The following ELMOD3 variants were observed in gnomAD, a reference collection of about 807,000 sequenced individuals.
The protein encoded by ELMOD3 is ELMO domain containing 3.
ELMOD3 carries 36 observed loss-of-function variants against 47.4 expected under a neutral mutation model. The ratio of observed to expected loss-of-function variants is 0.76; its 90% CI spans 0.58 to 1.00. The LOEUF (loss-of-function observed/expected upper bound fraction) is 1.00, where lower values mean the gene tolerates loss of function less well. Among genes scored for constraint, ELMOD3 ranks in the 50% least tolerant of loss-of-function variants. The pLI, the probability that ELMOD3 is intolerant of heterozygous loss-of-function variation, is 0.00. For missense variants in ELMOD3, 404 were observed against 463.8 expected (o/e 0.87, Z 1.18); for synonymous variants, 149 against 183.5 (o/e 0.81, Z 1.52).
At chr2:85,368,862 C>A in intron 7 of ELMOD3, 108 bp downstream of exon 7, 1 of 1,108,562 alleles carries the variant, frequency 9.0e-7, no homozygotes, top group East Asian at 2.5e-5. Context: ...GATAGAATTC[C>A]TGAGAGTGCT....
At chr2:85,389,450 G>A (rs570579353) in intron 11 of ELMOD3, 19 of 422,264 alleles carry the variant, frequency 4.5e-5, no homozygotes, top group African/African-American at 3.2e-4. Context: ...GAGAGCTGAC[G>A]GGTCAGGATG....
At chr2:85,359,013 G>T (rs1683756053) in intron 4 of ELMOD3, among the ~76,000 whole-genome samples, 1 of 152,124 alleles carries the variant, frequency 6.6e-6, no homozygotes, top group Non-Finnish European at 1.5e-5. Flanking sequence ...GTCCCATATT[G>T]CCTGTAAAGT....
chr2:85,364,533 G>A (rs377161227), intron 6 of ELMOD3, among the ~76,000 whole-genome samples: 4 of 150,406 alleles, frequency 2.7e-5, no homozygotes, highest in South Asian at 2.1e-4. Context: ...GCAGTGAGCC[G>A]AGATCATGCC....
chr2:85,382,419 CAG>C (rs1685621086), intron 11 of ELMOD3, among the ~76,000 whole-genome samples: 1 of 145,252 alleles, frequency 6.9e-6, no homozygotes, highest in African/African-American at 2.6e-5. Context: ...GCCTGGGCAA[CAG>C]AGCGAGATTC....
intron 7 of ELMOD3, among the ~76,000 whole-genome samples, chr2:85,369,086 G>A (rs893286358): frequency 6.6e-6 from 1 of 152,196 alleles, no homozygotes; most frequent in Non-Finnish European, 1.5e-5. Context: ...ATGGGCCCCT[G>A]TGTAAGGCTG....
At position 85,376,243 on chromosome 2, in the gene ELMOD3, G is replaced by A. The variant is rs1373049653; in HGVS notation, c.608-1101G>A. 6.6e-6 allele frequency among the ~76,000 whole-genome samples: 1 copy of A among 152,186 alleles called. No individual in the cohort carries two copies. The highest frequency in any genetic ancestry group is 1.5e-5 in the Non-Finnish European group (1 of 68,022). On this transcript the variant is annotated intron_variant, in intron 10 of 13. Coordinates refer to ENST00000409013, the MANE Select transcript of ELMOD3 (RefSeq NM_001135022.2). This position sits in a 1 kb window ranked among gnomAD's most constrained non-coding sequence, Gnocchi z 4.2. ...AATTGAGAATTACCTAGTTCTTGGT[G>A]TAACAACTGATTTTTTATTGTATCT... is the stretch of plus-strand genomic sequence containing the variant.
Position 85,357,142 on chromosome 2 carries a change from A to T in ELMOD3, c.-57A>T. ...CACATAGCTTCTGATCTCAGACCTTACTAAAATGCTTTCTGGGCCCAAGGA... is the reference window on the plus strand; with the variant it reads ...CACATAGCTTCTGATCTCAGACCTTTCTAAAATGCTTTCTGGGCCCAAGGA... On this transcript the variant is annotated 5_prime_UTR_variant, in exon 4 of 14. Coordinates refer to ENST00000409013, the MANE Select transcript of ELMOD3 (RefSeq NM_001135022.2). 1 of 1,281,742 alleles carries T rather than the reference A, an allele frequency of 7.8e-7. No individual in the cohort carries two copies. Among genetic ancestry groups the T allele is most frequent in the Non-Finnish European group, 1.1e-6 (1 of 895,774 alleles). The allele number at this position is 1,281,742 out of a possible 1,614,324, so 79.4% of individuals were successfully genotyped here. A position where few individuals can be genotyped will look rare whatever the true frequency, so the allele number is the denominator to read the frequency against.
intron 11 of ELMOD3, among the ~76,000 whole-genome samples, chr2:85,386,898 G>C (rs1296047893): frequency 6.6e-6 from 1 of 152,140 alleles, no homozygotes; most frequent in Non-Finnish European, 1.5e-5. Flanking sequence ...AGCTACTCGG[G>C]AGGCTAAGGC....
rs757936071 is a variant in ELMOD3, at chr2:85,362,195, TTGTC to T, written c.67_70del (p.Ser23LeufsTer24). 3.2e-5 allele frequency: 51 copies of T among 1,595,228 alleles called. No homozygotes were observed. Among genetic ancestry groups the T allele is most frequent in the Non-Finnish European group, 4.2e-5 (49 of 1,162,880 alleles). On this transcript the variant is annotated frameshift_variant, in exon 5 of 14. Transcript: ENST00000409013. LOFTEE classifies it high-confidence loss of function. Reference sequence around the variant, plus strand: ...CTTGTCTGTTTTACAGGGTGAAAGATTGTCTGCTGGATATTCTCCATCATATGAC... The same window carrying T: ...CTTGTCTGTTTTACAGGGTGAAAGATTGCTGGATATTCTCCATCATATGAC...
At chr2:85,362,281 G>A in intron 5 of ELMOD3, 21 bp downstream of exon 5, 2 of 1,423,584 alleles carry the variant, frequency 1.4e-6, no homozygotes, top group Non-Finnish European at 2.0e-6. Flanking sequence ...CCCACAACTT[G>A]GTACCTTCTG....
intron 6 of ELMOD3, among the ~76,000 whole-genome samples, chr2:85,364,470 G>A (rs1684207607): frequency 6.6e-6 from 1 of 151,702 alleles, no homozygotes; most frequent in Non-Finnish European, 1.5e-5. Context: ...TGTAATCCCA[G>A]CTACTCAGCA....
chr2:85,363,706 G>A (rs991507813), intron 6 of ELMOD3, among the ~76,000 whole-genome samples: 1 of 152,216 alleles, frequency 6.6e-6, no homozygotes, highest in Admixed American at 6.5e-5. Context: ...CAAACATGGT[G>A]GAAGGCAAGG....
chr2:85,358,317 G>A (rs1683708641), intron 4 of ELMOD3, among the ~76,000 whole-genome samples: 2 of 150,910 alleles, frequency 1.3e-5, no homozygotes, highest in South Asian at 4.2e-4. Context: ...AGAAATATAA[G>A]AGAAGGTCCT....
intron 11 of ELMOD3, chr2:85,387,117 AG>A (rs1685985700): frequency 7.7e-7 from 1 of 1,301,616 alleles, no homozygotes. Context: ...AATCAAGGGA[AG>A]GGATGATATT....
intron 8 of ELMOD3, 126 bp from the exon 9 acceptor site, chr2:85,370,960 C>A: frequency 8.5e-7 from 1 of 1,175,672 alleles, no homozygotes; most frequent in South Asian, 1.4e-5. Context: ...TCCCTTGGCC[C>A]AAAGGCCAGC....
At chr2:85,384,352 ACT>A (rs1685782579) in intron 11 of ELMOD3, among the ~76,000 whole-genome samples, 1 of 152,130 alleles carries the variant, frequency 6.6e-6, no homozygotes, top group African/African-American at 2.4e-5. Flanking sequence ...TGCTGTTTCA[ACT>A]CTCTGCCCTC....
At chr2:85,358,196 T>C (rs1683694106) in intron 4 of ELMOD3, among the ~76,000 whole-genome samples, 1 of 151,108 alleles carries the variant, frequency 6.6e-6, no homozygotes, top group Non-Finnish European at 1.5e-5. Flanking sequence ...AGAGAATCGC[T>C]TGAACCCAGG....
intron 6 of ELMOD3, chr2:85,367,782 T>G (rs1448355202): frequency 6.6e-6 from 1 of 152,246 alleles, no homozygotes; most frequent in Non-Finnish European, 1.5e-5. Context: ...AGTGGAACTG[T>G]CATGAGTTGG....
intron 11 of ELMOD3, among the ~76,000 whole-genome samples, chr2:85,387,700 A>C (rs1443134382): frequency 6.8e-6 from 1 of 146,688 alleles, no homozygotes; most frequent in Non-Finnish European, 1.5e-5. Flanking sequence ...TGTCTCTTGG[A>C]GTTGTTGTAA....
Sources: gnomAD v4.1 joint callset for allele counts (sites outside exome capture counted in the v4.1 genomes callset) on GRCh38, gnomAD v4.1.1 for gene constraint, Gnocchi (gnomAD v3.1) non-coding constraint, MANE v1.5 for transcripts, NCBI Gene and HGNC (gene_info 2026-07-23, HGNC 2026-07-21) for gene names.